Variants in LRRK2 observed in about 807,000 individuals in gnomAD.
The protein encoded by LRRK2 is leucine rich repeat kinase 2.
A neutral mutation model predicts 302.6 loss-of-function variants in LRRK2; 203 were observed. The observed-to-expected ratio is 0.67, with a 90% CI of 0.60 to 0.75. The LOEUF is 0.75. LRRK2 is among the 30% of genes least tolerant of loss of function. The pLI is 0.00. For missense variants in LRRK2, 2,830 were observed against 2,951.0 expected (o/e 0.96, Z 0.95); for synonymous variants, 1,066 against 1,031.9 (o/e 1.03, Z -0.63).
At chr12:40,350,481 G>T (rs1946317339) in intron 43 of LRRK2, among the ~76,000 whole-genome samples, 1 of 152,092 alleles carries the variant, frequency 6.6e-6, no homozygotes. Context: ...TGGAAGATTT[G>T]CCCAAGTAAC....
intron 4 of LRRK2, 28 bp downstream of exon 4, chr12:40,235,742 GA>G (rs1941420913): frequency 1.6e-6 from 2 of 1,269,402 alleles, no homozygotes; most frequent in East Asian, 2.6e-5. Context: ...TTTTTGTGTT[GA>G]TTCAAATTAA....
chr12:40,289,688 G>A (rs1482321642), intron 20 of LRRK2, among the ~76,000 whole-genome samples: 1 of 151,360 alleles, frequency 6.6e-6, no homozygotes, highest in African/African-American at 2.4e-5. Flanking sequence ...GATGTTTTCT[G>A]ATACTATTAT....
chr12:40,323,015 T>G, intron 37 of LRRK2, 145 bp from the exon 38 acceptor site: 2 of 705,406 alleles, frequency 2.8e-6, no homozygotes, highest in South Asian at 1.9e-5. Context: ...TGTTCTCAAA[T>G]TTCCTAGAGA....
chr12:40,298,178 A>G, intron 23 of LRRK2, 65 bp from the exon 24 acceptor site: 9 of 1,561,270 alleles, frequency 5.8e-6, no homozygotes, highest in Non-Finnish European at 7.0e-6. Flanking sequence ...GTAAGGCAGA[A>G]ATATTAGCTA....
In LRRK2 at chr12:40,251,426, T is replaced by C. The variant is rs757965270; in HGVS notation, c.1102-39T>C. 4 of 1,612,490 alleles carry C rather than the reference T, an allele frequency of 2.5e-6. No homozygotes were observed. In the Admixed American group the frequency reaches 6.7e-5, roughly 27 times the overall value. ...ATTCAAAATTATGTTTTCCAGTCATTTATATTTTGACAGATTTCTTTTTTC... is the reference window on the plus strand; with the variant it reads ...ATTCAAAATTATGTTTTCCAGTCATCTATATTTTGACAGATTTCTTTTTTC... On this transcript the variant is annotated intron_variant, in intron 9 of 50. Coordinates refer to ENST00000298910, the MANE Select transcript of LRRK2 (RefSeq NM_198578.4).
Position 40,367,064 on chromosome 12 carries a change from A to C in LRRK2, c.7449A>C (p.Thr2483=). ...ACAACCGGAAAAATACTGAAGGTAC[A>C]CAAAAGCAGAAAGGTAACATTTAGA... ...LGYNRKNTEG[T]QKQKEIQSCL... is the part of the protein sequence containing the mutation. The change falls in exon 50 of 51, where the codon ACA becomes ACC. Residue 2483 remains threonine, a synonymous_variant. Transcript: ENST00000298910. The C allele has an allele frequency of 6.2e-7, 1 of 1,609,156 alleles. No homozygotes were observed. Among genetic ancestry groups the C allele is most frequent in the African/African-American group, 1.3e-5 (1 of 74,786 alleles).
In LRRK2 at chr12:40,278,348, C is replaced by A; in HGVS notation, c.2241+87C>A. The A allele has an allele frequency of 2.0e-6, 3 of 1,470,926 alleles. No individual in the cohort carries two copies. The Admixed American group carries it at 5.0e-5, about 25-fold the overall frequency. The allele number at this position is 1,470,926 out of a possible 1,614,324, so 91.1% of individuals were successfully genotyped here. On this transcript the variant is annotated intron_variant, in intron 18 of 50. Transcript: ENST00000298910. The stretch of plus-strand genomic sequence containing the variant: ...GCCATTGTGTATCTCTTACTTATAT[C>A]ATATTATTCTTCACTACAGAAATTT...
chr12:40,232,758 T>A (rs1941260081), intron 3 of LRRK2: 1 of 171,692 alleles, frequency 5.8e-6, no homozygotes, highest in South Asian at 1.4e-4. Context: ...TGAGAAAAGT[T>A]AGTTCTGTAA....
intron 19 of LRRK2, among the ~76,000 whole-genome samples, chr12:40,285,750 T>C (rs1943899884): frequency 6.6e-6 from 1 of 151,416 alleles, no homozygotes; most frequent in African/African-American, 2.4e-5. Flanking sequence ...TTGCAATCAT[T>C]GAGGAAAAAA....
chr12:40,291,869 G>C (rs978756560), intron 20 of LRRK2, among the ~76,000 whole-genome samples: 2 of 151,976 alleles, frequency 1.3e-5, no homozygotes, highest in African/African-American at 2.4e-5. Context: ...TGTATATTTT[G>C]AAGCTCTGTT....
intron 5 of LRRK2, among the ~76,000 whole-genome samples, chr12:40,239,955 A>G (rs1941654436): frequency 6.6e-6 from 1 of 152,156 alleles, no homozygotes; most frequent in South Asian, 2.1e-4. Context: ...AAATGACTTT[A>G]ATTGTGAAAA....
chr12:40,278,295 C>T lies in LRRK2; in HGVS notation c.2241+34C>T, dbSNP rs1300780626. ...TCAAGGCCTCACTTTTGTCTTTGCT[C>T]AGTATTCTTATAGAATGTAAGAGCC... is the stretch of plus-strand genomic sequence containing the variant. On this transcript the variant is annotated intron_variant, in intron 18 of 50. Transcript: ENST00000298910. 3.7e-6 allele frequency: 6 copies of T among 1,611,924 alleles called. No individual in the cohort carries two copies. The African/African-American group carries it at 4.0e-5, about 11-fold the overall frequency.
chr12:40,239,647 CAG>C (rs1408402200), intron 5 of LRRK2, among the ~76,000 whole-genome samples: 2 of 152,036 alleles, frequency 1.3e-5, no homozygotes, highest in Admixed American at 6.6e-5. Flanking sequence ...CTCCAGGACT[CAG>C]GGGTGACTAT....
intron 14 of LRRK2, among the ~76,000 whole-genome samples, chr12:40,270,552 T>C (rs1943189083): frequency 6.6e-6 from 1 of 152,130 alleles, no homozygotes; most frequent in African/African-American, 2.4e-5. Context: ...TTTTTTTCCT[T>C]GAAGTGTTTG....
chr12:40,234,973 T>C (rs1941381835), intron 3 of LRRK2, among the ~76,000 whole-genome samples: 1 of 152,310 alleles, frequency 6.6e-6, no homozygotes, highest in Middle Eastern at 3.4e-3. Flanking sequence ...TTTTAACTTT[T>C]TAAATGAGAC....
chr12:40,311,318 G>A (rs546201187), intron 31 of LRRK2, among the ~76,000 whole-genome samples: 3 of 150,336 alleles, frequency 2.0e-5, no homozygotes, highest in East Asian at 1.9e-4. Context: ...TTTATAAAAT[G>A]TAAATAAATC....
intron 2 of LRRK2, among the ~76,000 whole-genome samples, chr12:40,226,029 A>T (rs1453865038): frequency 6.6e-6 from 1 of 152,206 alleles, no homozygotes; most frequent in African/African-American, 2.4e-5. Flanking sequence ...AGTTTGGAAA[A>T]GGGGAATAAT....
At chr12:40,253,153 T>C (rs1942354081) in intron 11 of LRRK2, 137 bp downstream of exon 11, 1 of 613,828 alleles carries the variant, frequency 1.6e-6, no homozygotes, top group Non-Finnish European at 2.9e-6. Flanking sequence ...TGTGTAGAGA[T>C]GTATTGACAT....
At chr12:40,251,969 A>C (rs1942295154) in intron 10 of LRRK2, among the ~76,000 whole-genome samples, 1 of 152,188 alleles carries the variant, frequency 6.6e-6, no homozygotes, top group Non-Finnish European at 1.5e-5. Context: ...ATGAGTTCCC[A>C]ACTGATGTGA....
Sources: allele counts gnomAD v4.1 joint callset (sites outside exome capture counted in the v4.1 genomes callset), GRCh38; gene constraint gnomAD v4.1.1; transcripts MANE v1.5; gene names NCBI Gene and HGNC (gene_info 2026-07-23, HGNC 2026-07-21).